Variants in PIGS observed in about 807,000 individuals in gnomAD.
The protein encoded by PIGS is GPI-anchor transamidase component PIGS.
A neutral mutation model predicts 58.2 loss-of-function variants in PIGS; 37 were observed. The observed-to-expected ratio is 0.64, with a 90% CI of 0.49 to 0.84. The LOEUF (loss-of-function observed/expected upper bound fraction) is 0.84, where lower values mean the gene tolerates loss of function less well. Ranked by LOEUF, PIGS falls within the 40% of genes least tolerant of loss-of-function variation. PIGS has a pLI of 0.00. For synonymous variants in PIGS, 269 were observed against 289.2 expected, an observed-to-expected ratio of 0.93 and a Z score of 0.71; for missense variants, 629 against 710.8, an observed-to-expected ratio of 0.88 and a Z score of 1.31.
chr17:28,556,056 G>T (rs2070325264), intron 10 of PIGS, 110 bp downstream of exon 10: 2 of 989,478 alleles, frequency 2.0e-6, no homozygotes, highest in Admixed American at 2.0e-5. Context: ...TTTCCCTGGG[G>T]CTCTAGGCAC....
At chr17:28,562,862 G>C (rs2070371942) in intron 5 of PIGS, among the ~76,000 whole-genome samples, 1 of 151,896 alleles carries the variant, frequency 6.6e-6, no homozygotes, top group South Asian at 2.1e-4. Flanking sequence ...ACCACATCCA[G>C]CTAATTTTTT....
At chr17:28,566,649 A>C (rs915767270) in intron 3 of PIGS, among the ~76,000 whole-genome samples, 1 of 144,482 alleles carries the variant, frequency 6.9e-6, no homozygotes, top group Non-Finnish European at 1.5e-5. Context: ...GCTGGAATGC[A>C]GTGGCACAAT....
Position 28,556,310 on chromosome 17 carries a change from T to C in PIGS, c.1081-44A>G, listed in dbSNP as rs1185501654. 3 of 1,409,516 alleles carry C rather than the reference T, an allele frequency of 2.1e-6. No homozygotes were observed. The East Asian group carries it at 6.8e-5, about 32-fold the overall frequency. 87.3% of individuals were successfully genotyped at this position (1,409,516 alleles called of 1,614,324 possible). A position where few individuals can be genotyped will look rare whatever the true frequency, so the allele number is the denominator to read the frequency against. ...TTGCCACAACATCATACCAGGCCCT[T>C]GCACAGCTCTGCCCTAGGCACTCTG... On this transcript the variant is annotated intron_variant, in intron 9 of 11. Coordinates refer to ENST00000308360, the MANE Select transcript of PIGS (RefSeq NM_033198.4).
intron 9 of PIGS, 33 bp downstream of exon 9, chr17:28,556,794 T>C: frequency 6.3e-7 from 1 of 1,589,284 alleles, no homozygotes; most frequent in Non-Finnish European, 8.6e-7. Context: ...CCCAGAAGCA[T>C]GGGCTCTGGG....
intron 3 of PIGS, among the ~76,000 whole-genome samples, chr17:28,568,449 A>G (rs1004793314): frequency 1.3e-5 from 2 of 152,144 alleles, no homozygotes; most frequent in Admixed American, 1.3e-4. Context: ...TCACTGCTAT[A>G]TCTCTAGTAA....
rs1046578836 is a variant in PIGS, at chr17:28,555,072, A to G, written c.1182-11T>C. 1.2e-6 allele frequency: 2 copies of G among 1,607,338 alleles called. No individual in the cohort carries two copies. The highest frequency in any genetic ancestry group is 1.1e-5 in the South Asian group (1 of 90,324). On this transcript the variant is annotated splice_polypyrimidine_tract_variant and intron_variant, in intron 10 of 11. Coordinates refer to ENST00000308360, the MANE Select transcript of PIGS (RefSeq NM_033198.4). The stretch of plus-strand genomic sequence containing the variant: ...ATCCCAAAGAGCAACCTGTAGGAAC[A>G]TCGGAGTAAGATCAAGGTGGCTGAG...
intron 5 of PIGS, chr17:28,561,859 A>G: frequency 2.1e-6 from 1 of 477,116 alleles, no homozygotes; most frequent in East Asian, 3.7e-5. Context: ...TCCAGGCAGC[A>G]TCTAACTCTT....
intron 5 of PIGS, among the ~76,000 whole-genome samples, chr17:28,562,947 C>A (rs545710462): frequency 6.7e-6 from 1 of 149,562 alleles, no homozygotes; most frequent in East Asian, 2.0e-4. Flanking sequence ...GCAAACTGCC[C>A]GCCTCGGCCT....
chr17:28,563,503 A>G lies in PIGS; in HGVS notation c.396T>C (p.Asp132=), dbSNP rs1567616606. ...AGCCCTCCGCTTGTTCCTGAGGCTC[A>G]TCTAACATGGCTTCTGCCTCTGGGG... ...GSVQEAEAML[D]EPQEQAEGSL... The change falls in exon 5 of 12, where the codon GAT becomes GAC. Residue 132 remains aspartate (D), a synonymous_variant. Transcript: ENST00000308360. The G allele has an allele frequency of 1.2e-6, 2 of 1,613,872 alleles. No homozygotes were observed. Among genetic ancestry groups the G allele is most frequent in the African/African-American group, 1.3e-5 (1 of 74,886 alleles).
At chr17:28,570,991 C>A in intron 2 of PIGS, 28 bp from the exon 3 acceptor site, 2 of 1,614,232 alleles carry the variant, frequency 1.2e-6, no homozygotes, top group Non-Finnish European at 1.7e-6. Flanking sequence ...AGGGCCGTCA[C>A]TGAGTCTCCA....
chr17:28,560,530 C>T (rs1169524298), intron 6 of PIGS, among the ~76,000 whole-genome samples: 1 of 152,076 alleles, frequency 6.6e-6, no homozygotes, highest in East Asian at 1.9e-4. Flanking sequence ...GTAATCCCAG[C>T]ACTTTGGGAG....
At chr17:28,570,361 A>C (rs1285388944) in intron 3 of PIGS, among the ~76,000 whole-genome samples, 2 of 152,192 alleles carry the variant, frequency 1.3e-5, no homozygotes, top group Admixed American at 6.5e-5. Flanking sequence ...AAATACAAAA[A>C]TTAGCTGGGC....
At position 28,571,492 on chromosome 17, in the gene PIGS, G is replaced by A; in HGVS notation, c.5C>T (p.Ala2Val). 2 of 1,607,254 alleles carry A rather than the reference G, an allele frequency of 1.2e-6. No homozygotes were observed. Among genetic ancestry groups the A allele is most frequent in the Non-Finnish European group, 1.7e-6 (2 of 1,177,204 alleles). Residue 2 changes from alanine to valine, a missense_variant, in exon 1 of 12, where the codon GCG (alanine) becomes GTG (valine). Ala to Val is a moderately conservative substitution (Grantham distance 64). Transcript: ENST00000308360. Reference sequence around the variant, plus strand: ...GTGTGTAGCCGCAGCCCCGGCGGCCGCCATGCTAGCTTCCGGCTGCTCCGG... The same window carrying A: ...GTGTGTAGCCGCAGCCCCGGCGGCCACCATGCTAGCTTCCGGCTGCTCCGG... M[A>V]AAGAAATHLE...
chr17:28,554,631 C>T, intron 11 of PIGS, 136 bp from the exon 12 acceptor site: 4 of 1,270,212 alleles, frequency 3.1e-6, no homozygotes, highest in East Asian at 2.4e-5. Context: ...AGTCTTTCTA[C>T]AGGGATATGG....
chr17:28,555,551 C>G, intron 10 of PIGS: 1 of 172,662 alleles, frequency 5.8e-6, no homozygotes. Flanking sequence ...GCCTTAGAAT[C>G]CTCAACACAG....
intron 9 of PIGS, 131 bp from the exon 10 acceptor site, chr17:28,556,397 T>G: frequency 1.3e-6 from 1 of 762,300 alleles, no homozygotes; most frequent in Non-Finnish European, 2.3e-6. Flanking sequence ...GTATAGCTAA[T>G]ATTTTTTGAG....
rs748352991 is a variant in PIGS, at chr17:28,571,096, G to A, written c.127C>T (p.Arg43Trp). Residue 43 changes from arginine (R) to tryptophan (W), a missense_variant, in exon 2 of 12, where the codon CGG (arginine) becomes TGG (tryptophan). Coordinates refer to ENST00000308360, the MANE Select transcript of PIGS (RefSeq NM_033198.4). Reference protein sequence around the residue: ...PLWWKTTETYRASLPYSQISG... With the variant: ...PLWWKTTETYWASLPYSQISG... Reference sequence around the variant, plus strand: ...ATCTGGGAGTAAGGCAACGAGGCCCGGTAGGTCTCCGTGGTCTTCCACCAG... The same window carrying A: ...ATCTGGGAGTAAGGCAACGAGGCCCAGTAGGTCTCCGTGGTCTTCCACCAG... 1.2e-6 allele frequency: 2 copies of A among 1,614,080 alleles called. No homozygotes were observed. The highest frequency in any genetic ancestry group is 1.7e-6 in the Non-Finnish European group (2 of 1,180,038).
chr17:28,562,649 G>C (rs1316387703), intron 5 of PIGS, among the ~76,000 whole-genome samples: 3 of 152,018 alleles, frequency 2.0e-5, no homozygotes, highest in Non-Finnish European at 4.4e-5. Context: ...GACCAGGCTG[G>C]TCTCAAACTC....
In PIGS at chr17:28,556,844, G is replaced by A. The variant is rs572109106; in HGVS notation, c.1063C>T (p.Arg355Cys). 4 of 1,614,028 alleles carry A rather than the reference G, an allele frequency of 2.5e-6. No individual in the cohort carries two copies. The highest frequency in any genetic ancestry group is 2.2e-5 in the East Asian group (1 of 44,880). ...ACTATTACCATAATGCCACCCCAGCGGGGACTATGGAAGGCATTGGTGGCC... is the reference window on the plus strand; with the variant it reads ...ACTATTACCATAATGCCACCCCAGCAGGGACTATGGAAGGCATTGGTGGCC... ...PVATNAFHSP[R>C]WGGIMVYNVD... The change falls in exon 9 of 12, where the codon CGC becomes TGC. Residue 355 changes from arginine to cysteine, a missense_variant. By Grantham distance (180) the Arg-to-Cys change is radical. Coordinates refer to ENST00000308360, the MANE Select transcript of PIGS (RefSeq NM_033198.4).
Sources: gnomAD v4.1 joint callset for allele counts (sites outside exome capture counted in the v4.1 genomes callset) on GRCh38, gnomAD v4.1.1 for gene constraint, MANE v1.5 for transcripts, NCBI Gene and HGNC (gene_info 2026-07-23, HGNC 2026-07-21) for gene names.